FRRS1: variants seen among roughly 807,000 people sequenced by gnomAD.
The protein encoded by FRRS1 is ferric chelate reductase 1.
In FRRS1, 51 loss-of-function variants were observed where a neutral mutation model predicts 70.7. The ratio of observed to expected loss-of-function variants is 0.72; its 90% CI spans 0.58 to 0.91. The LOEUF (loss-of-function observed/expected upper bound fraction) is 0.91, where lower values mean the gene tolerates loss of function less well. Ranked by LOEUF, FRRS1 falls within the 40% of genes least tolerant of loss-of-function variation. FRRS1 has a pLI of 0.00. For missense variants in FRRS1, 672 were observed against 726.0 expected (o/e 0.93, Z 0.86); for synonymous variants, 225 against 238.7 (o/e 0.94, Z 0.53).
At chr1:99,763,922 C>T (rs1196989943) in intron 1 of FRRS1, among the ~76,000 whole-genome samples, 4 of 151,350 alleles carry the variant, frequency 2.6e-5, no homozygotes, top group Non-Finnish European at 5.9e-5. Context: ...CAGAAAAACC[C>T]ATACAGTTAA....
rs1232091644 is a variant in FRRS1 at position 99,708,625 on chromosome 1, AATATATATATATATATATATAT to A, written c.*381_*402del. 1.9e-5 allele frequency: 1 copy of A among 52,734 alleles called. No homozygotes were observed. The highest frequency in any genetic ancestry group is 8.6e-5 in the African/African-American group (1 of 11,676). The allele number at this position is 52,734 out of a possible 1,614,324, so 3.3% of individuals were successfully genotyped here. The stretch of plus-strand genomic sequence containing the variant: ...AAAAAAAAAAAAAAAAAAAAAAAAA[AATATATATATATATATATATAT>A]ATATATATATATATATCGTAATATA... On this transcript the variant is annotated 3_prime_UTR_variant, in exon 17 of 17. Transcript: ENST00000646001.
Position 99,748,750 on chromosome 1 carries a change from T to C in FRRS1, c.19A>G (p.Thr7Ala). The stretch of plus-strand genomic sequence containing the variant: ...AACAGAAGTATGCAGGTACCAAGAG[T>C]AAATCCAGAAACTGCCATCTCAAAA... MAVSGF[T>A]LGTCILLLHI... Residue 7 changes from threonine to alanine, a missense_variant, in exon 3 of 17, where the codon ACT becomes GCT. Physicochemically the swap from Thr to Ala is moderately conservative, Grantham distance 58 (BLOSUM62 0). Coordinates refer to ENST00000646001, the MANE Select transcript of FRRS1 (RefSeq NM_001361041.2). The C allele has an allele frequency of 6.2e-7, 1 of 1,613,234 alleles. No individual in the cohort carries two copies. The highest frequency in any genetic ancestry group is 8.5e-7 in the Non-Finnish European group (1 of 1,179,598).
rs568830534 is a variant in FRRS1 at position 99,758,967 on chromosome 1, T to A, written c.-106+7640A>T. Reference sequence around the variant, plus strand: ...GAATTACTAGGTTGGGGCAAAACTCTGCCCTGGTAAATTTGTGGTCAGACC... The same window carrying A: ...GAATTACTAGGTTGGGGCAAAACTCAGCCCTGGTAAATTTGTGGTCAGACC... On this transcript the variant is annotated intron_variant, in intron 1 of 16. Transcript: ENST00000646001. Among the ~76,000 whole-genome samples the A allele has an allele frequency of 2.0e-5, 3 of 152,294 alleles. No individual in the cohort carries two copies. The East Asian group carries it at 5.8e-4, about 29-fold the overall frequency.
chr1:99,712,108 C>CAATA lies in FRRS1; in HGVS notation c.1476_1477insTATT (p.Ala493TyrfsTer19). 6.2e-7 allele frequency: 1 copy of CAATA among 1,600,960 alleles called. No individual in the cohort carries two copies. On this transcript the variant is annotated frameshift_variant, in exon 14 of 17. Transcript: ENST00000646001. LOFTEE classifies it high-confidence loss of function. ...AAGTGGCATCACAATCTCTTACCTG[C>CAATA]TATTATTCTAGCAGCTGTTCCCATA...
chr1:99,728,497 A>G lies in FRRS1; in HGVS notation c.1002T>C (p.Asn334=). Residue 334 remains asparagine (N), a synonymous_variant, in exon 9 of 17, where the codon AAT becomes AAC. Transcript: ENST00000646001. ...ACAGCTTAACAATATACTTACCATC[A>G]TTAGCTGCACCATCTGCTAGAAATA... is the stretch of plus-strand genomic sequence containing the variant. The part of the protein sequence containing the change: ...YYIFLADGAA[N]DGRIYKHSQQ... 5 of 1,609,330 alleles carry G rather than the reference A, an allele frequency of 3.1e-6. No homozygotes were observed. Among genetic ancestry groups the G allele is most frequent in the Non-Finnish European group, 4.3e-6 (5 of 1,176,368 alleles).
intron 7 of FRRS1, among the ~76,000 whole-genome samples, chr1:99,733,865 T>C (rs1655520000): frequency 6.6e-6 from 1 of 152,192 alleles, no homozygotes; most frequent in Non-Finnish European, 1.5e-5. Context: ...TCATCCCACA[T>C]ATTACTTATT....
At chr1:99,716,670 CA>C (rs1387793666) in intron 11 of FRRS1, among the ~76,000 whole-genome samples, 1 of 152,190 alleles carries the variant, frequency 6.6e-6, no homozygotes, top group Non-Finnish European at 1.5e-5. Flanking sequence ...TACCCTCTTA[CA>C]AAGTCAAAAC....
chr1:99,723,710 C>T (rs968231604), intron 9 of FRRS1, among the ~76,000 whole-genome samples: 1 of 152,102 alleles, frequency 6.6e-6, no homozygotes, highest in Non-Finnish European at 1.5e-5. Context: ...GGAACAGATA[C>T]ACTAGAAATA....
At chr1:99,749,783 T>C (rs568874527) in intron 1 of FRRS1, among the ~76,000 whole-genome samples, 9 of 152,212 alleles carry the variant, frequency 5.9e-5, no homozygotes, top group Non-Finnish European at 1.2e-4. Context: ...TCCCACACTC[T>C]TGTAGCCCAG....
At position 99,719,604 on chromosome 1, in the gene FRRS1, T is replaced by C. The variant is rs1366566011; in HGVS notation, c.1050A>G (p.Glu350=). ...TTGGAGAGTCTGTCACATCATATTTTTCATAGGTAATCAAAGGTTGCTGAG... is the reference window on the plus strand; with the variant it reads ...TTGGAGAGTCTGTCACATCATATTTCTCATAGGTAATCAAAGGTTGCTGAG... ...KHSQQPLITY[E]KYDVTDSPKN... The change falls in exon 10 of 17, where the codon GAA becomes GAG. Residue 350 remains glutamate (E), a synonymous_variant. Coordinates refer to ENST00000646001, the MANE Select transcript of FRRS1 (RefSeq NM_001361041.2). 2 of 1,611,918 alleles carry C rather than the reference T, an allele frequency of 1.2e-6. No homozygotes were observed. The highest frequency in any genetic ancestry group is 8.5e-7 in the Non-Finnish European group (1 of 1,178,246).
chr1:99,732,938 G>C (rs1342052705), intron 7 of FRRS1, among the ~76,000 whole-genome samples: 1 of 151,700 alleles, frequency 6.6e-6, no homozygotes, highest in Non-Finnish European at 1.5e-5. Flanking sequence ...TGACCTCCTG[G>C]GATCAAGTGA....
Position 99,706,273 on chromosome 1 carries a change from G to T in FRRS1, c.*2755C>A, listed in dbSNP as rs1029327646. Among the ~76,000 whole-genome samples the T allele has an allele frequency of 6.6e-6, 1 of 151,564 alleles. No homozygotes were observed. The highest frequency in any genetic ancestry group is 2.4e-5 in the African/African-American group (1 of 41,178). On this transcript the variant is annotated 3_prime_UTR_variant, in exon 17 of 17. Transcript: ENST00000646001. The stretch of plus-strand genomic sequence containing the variant: ...TAATTAGCTGGCTGTGGTGGTGCAC[G>T]GAGTTGGTGCCTGTAGTTCCAGCTA...
At chr1:99,709,516 A>C (rs1363663556) in intron 15 of FRRS1, among the ~76,000 whole-genome samples, 1 of 152,222 alleles carries the variant, frequency 6.6e-6, no homozygotes, top group Non-Finnish European at 1.5e-5. Flanking sequence ...AGTCATAACG[A>C]TCTAAGCTCT....
chr1:99,712,286 A>G (rs1304084732), intron 13 of FRRS1, 123 bp from the exon 14 acceptor site: 1 of 932,738 alleles, frequency 1.1e-6, no homozygotes, highest in Admixed American at 2.4e-5. Flanking sequence ...TGCATTTTAA[A>G]GTATTTCAAA....
intron 4 of FRRS1, among the ~76,000 whole-genome samples, chr1:99,743,933 T>G (rs958424463): frequency 6.6e-6 from 1 of 152,034 alleles, no homozygotes; most frequent in Non-Finnish European, 1.5e-5. Context: ...CGGTAAGAGT[T>G]CTCAAGAAGC....
chr1:99,738,297 C>A, intron 6 of FRRS1, 29 bp from the exon 7 acceptor site: 2 of 1,524,512 alleles, frequency 1.3e-6, no homozygotes, highest in Non-Finnish European at 1.8e-6. Context: ...AAAAAAAAAT[C>A]TTAATTATCA....
In FRRS1 at chr1:99,748,877, A is replaced by C; in HGVS notation, c.-1+20T>G. ...TAACTACTTGCTTTCTGTGTTCAGC[A>C]AACCATATTCTCAACATACCTGATA... On this transcript the variant is annotated intron_variant, in intron 2 of 16. Transcript: ENST00000646001. 1.3e-6 allele frequency: 1 copy of C among 747,090 alleles called. No homozygotes were observed. Among genetic ancestry groups the C allele is most frequent in the East Asian group, 2.7e-5 (1 of 36,990 alleles). The allele number at this position is 747,090 out of a possible 1,614,324, so 46.3% of individuals were successfully genotyped here.
chr1:99,737,949 G>T (rs1571130381), intron 7 of FRRS1, 137 bp downstream of exon 7: 1 of 644,544 alleles, frequency 1.6e-6, no homozygotes. Flanking sequence ...CACCATCTCG[G>T]CCAGGCTGGT....
chr1:99,717,091 C>T (rs995933278), intron 11 of FRRS1, among the ~76,000 whole-genome samples: 5 of 152,168 alleles, frequency 3.3e-5, no homozygotes, highest in Admixed American at 1.3e-4. Context: ...GGTGAATGCT[C>T]TTCCCACATC....
Sources: gnomAD v4.1 joint callset for allele counts (sites outside exome capture counted in the v4.1 genomes callset) on GRCh38, gnomAD v4.1.1 for gene constraint, MANE v1.5 for transcripts, NCBI Gene and HGNC (gene_info 2026-07-23, HGNC 2026-07-21) for gene names.